Variants in ST6GAL1 observed in about 807,000 individuals in gnomAD.
ST6GAL1 encodes beta-galactoside alpha-2,6-sialyltransferase 1.
ST6GAL1 carries 20 observed loss-of-function variants against 38.0 expected under a neutral mutation model. The observed-to-expected ratio is 0.53, with a 90% CI of 0.37 to 0.77. The LOEUF (loss-of-function observed/expected upper bound fraction) is 0.77. ST6GAL1 is among the 30% of genes least tolerant of loss of function. The pLI is 0.00. For missense variants in ST6GAL1, 432 were observed against 496.4 expected, an observed-to-expected ratio of 0.87 and a Z score of 1.23; for synonymous variants, 196 against 188.2, an observed-to-expected ratio of 1.04 and a Z score of -0.34.
At position 187,076,883 on chromosome 3, in the gene ST6GAL1, C is replaced by G; in HGVS notation, c.*1080C>G. On this transcript the variant is annotated 3_prime_UTR_variant, in exon 8 of 8. Transcript: ENST00000169298. ...AAAACGTGATTCCTCCAGGCTCTGC[C>G]TGGCCTGACCCTGTCCTGTCAGCTG... 1 of 399,022 alleles carries G rather than the reference C, an allele frequency of 2.5e-6. No homozygotes were observed. 24.7% of individuals were successfully genotyped at this position (399,022 alleles called of 1,614,324 possible).
chr3:186,987,235 G>GAAGA (rs1187270117), intron 2 of ST6GAL1, among the ~76,000 whole-genome samples: 1 of 151,592 alleles, frequency 6.6e-6, no homozygotes, highest in Non-Finnish European at 1.5e-5. Context: ...AGGAAGGAAG[G>GAAGA]AAGAAAGGAA....
intron 4 of ST6GAL1, 77 bp from the exon 5 acceptor site, chr3:187,051,172 C>G: frequency 2.3e-6 from 3 of 1,287,258 alleles, no homozygotes; most frequent in Non-Finnish European, 3.4e-6. Context: ...TTGCCCCCTC[C>G]CCCGCCTCTC....
chr3:186,941,975 G>A (rs1313128990), intron 1 of ST6GAL1, among the ~76,000 whole-genome samples: 1 of 151,214 alleles, frequency 6.6e-6, no homozygotes, highest in South Asian at 2.1e-4. Flanking sequence ...TCATGCCACT[G>A]CACTCCATCC....
In ST6GAL1 at chr3:186,958,724, G is replaced by C. The variant is rs760560443; in HGVS notation, c.-324-5061G>C. On this transcript the variant is annotated intron_variant, in intron 1 of 7. Transcript: ENST00000169298. The stretch of plus-strand genomic sequence containing the variant: ...CCCACTAATTTGGGAGGCCAAGGCT[G>C]GTGGATCACTTGAGGTCAGGAGTTC... Among the ~76,000 whole-genome samples the C allele has an allele frequency of 2.8e-3, 423 of 152,278 alleles. 4 individuals carry two copies. The highest frequency in any genetic ancestry group is 4.1e-3 in the Non-Finnish European group (282 of 68,024).
intron 2 of ST6GAL1, among the ~76,000 whole-genome samples, chr3:186,998,693 C>G (rs2108551098): frequency 6.6e-6 from 1 of 152,244 alleles, no homozygotes; most frequent in South Asian, 2.1e-4. Context: ...ATTCAAAATA[C>G]TCTTACTTTC....
intron 1 of ST6GAL1, among the ~76,000 whole-genome samples, chr3:186,936,706 T>G (rs1713964663): frequency 1.3e-5 from 2 of 152,138 alleles, no homozygotes; most frequent in African/African-American, 4.8e-5. Context: ...TTTGGGAGGC[T>G]GAAGCAGCTG....
At chr3:187,029,832 G>A (rs1717675990) in intron 2 of ST6GAL1, among the ~76,000 whole-genome samples, 1 of 152,162 alleles carries the variant, frequency 6.6e-6, no homozygotes. Flanking sequence ...AATTTAAGCT[G>A]TGTAGGAAGG....
At chr3:186,936,939 C>CAAAAAAAAAAAAAAAAAA (rs60914982) in intron 1 of ST6GAL1, among the ~76,000 whole-genome samples, 1 of 87,962 alleles carries the variant, frequency 1.1e-5, no homozygotes, top group Non-Finnish European at 2.2e-5. Context: ...AAGACTGTCT[C>CAAAAAAAAAAAAAAAAAA]AAAAAAAAAA....
intron 1 of ST6GAL1, among the ~76,000 whole-genome samples, chr3:186,938,761 T>C (rs1452452689): frequency 6.6e-6 from 1 of 152,014 alleles, no homozygotes; most frequent in African/African-American, 2.4e-5. Context: ...CCCTATATCA[T>C]ATCCCTTGGC....
chr3:186,995,511 A>AT (rs1553823216), intron 2 of ST6GAL1, among the ~76,000 whole-genome samples: 6 of 82,042 alleles, frequency 7.3e-5, no homozygotes, highest in African/African-American at 2.8e-4. Flanking sequence ...ATCTCAAAAA[A>AT]AAAATAATAA....
At chr3:186,973,583 C>T (rs1715424328) in intron 2 of ST6GAL1, among the ~76,000 whole-genome samples, 1 of 152,202 alleles carries the variant, frequency 6.6e-6, no homozygotes, top group East Asian at 1.9e-4. Flanking sequence ...CCTGACAGAT[C>T]TGAGTTCCAA....
At chr3:187,007,572 CAA>C (rs1716823633) in intron 2 of ST6GAL1, among the ~76,000 whole-genome samples, 1 of 152,152 alleles carries the variant, frequency 6.6e-6, no homozygotes, top group Non-Finnish European at 1.5e-5. Context: ...AACAAACAAA[CAA>C]ACATTTTTCA....
chr3:186,967,546 G>C (rs183884709), intron 2 of ST6GAL1, among the ~76,000 whole-genome samples: 2 of 152,300 alleles, frequency 1.3e-5, no homozygotes, highest in Non-Finnish European at 2.9e-5. Flanking sequence ...ACCAGCAGAT[G>C]GGGGAGGGAG....
intron 2 of ST6GAL1, among the ~76,000 whole-genome samples, chr3:186,974,729 G>C (rs1038028198): frequency 6.6e-6 from 1 of 151,440 alleles, no homozygotes; most frequent in Admixed American, 6.6e-5. Context: ...GCCTGGTTGG[G>C]GGGGGGGCGC....
At chr3:187,018,904 G>C (rs898552277) in intron 2 of ST6GAL1, among the ~76,000 whole-genome samples, 4 of 152,160 alleles carry the variant, frequency 2.6e-5, no homozygotes, top group African/African-American at 9.7e-5. Flanking sequence ...AGATCCACCA[G>C]ACACTTGAGT....
chr3:186,966,807 G>A (rs1715144801), intron 2 of ST6GAL1, among the ~76,000 whole-genome samples: 2 of 152,308 alleles, frequency 1.3e-5, no homozygotes, highest in South Asian at 2.1e-4. Flanking sequence ...CAACAGGCGT[G>A]TCAGTCCCTG....
At chr3:187,074,475 C>A in intron 7 of ST6GAL1, 142 bp downstream of exon 7, 2 of 853,946 alleles carry the variant, frequency 2.3e-6, no homozygotes, top group African/African-American at 1.8e-5. Flanking sequence ...TAGACCATGC[C>A]AAGTTCTATC....
At chr3:187,029,986 A>G (rs1305112566) in intron 2 of ST6GAL1, among the ~76,000 whole-genome samples, 1 of 152,304 alleles carries the variant, frequency 6.6e-6, no homozygotes, top group East Asian at 1.9e-4. Context: ...ACTCAAGATT[A>G]TGGAAGGTAT....
At position 187,075,450 on chromosome 3, in the gene ST6GAL1, C is replaced by A. The variant is rs1477036843; in HGVS notation, c.980-112C>A. ...GAATCACAGTCATAAATAGAAACTC[C>A]AGAGGGAAAGCTCTCCAAATTTGGG... On this transcript the variant is annotated intron_variant, in intron 7 of 7. Transcript: ENST00000169298. This position sits in a 1 kb window ranked among gnomAD's most constrained non-coding sequence, Gnocchi z 4.1. 56 of 1,485,180 alleles carry A rather than the reference C, an allele frequency of 3.8e-5. No individual in the cohort carries two copies. Among genetic ancestry groups the A allele is most frequent in the Admixed American group, 6.0e-5 (3 of 49,814 alleles). The allele number at this position is 1,485,180 out of a possible 1,614,324, so 92.0% of individuals were successfully genotyped here.
Sources: allele counts gnomAD v4.1 joint callset (sites outside exome capture counted in the v4.1 genomes callset), GRCh38; gene constraint gnomAD v4.1.1; non-coding constraint Gnocchi (gnomAD v3.1); transcripts MANE v1.5; gene names NCBI Gene and HGNC (gene_info 2026-07-23, HGNC 2026-07-21).